CCDC69: variants seen among roughly 807,000 people sequenced by gnomAD.
The protein encoded by CCDC69 is coiled-coil domain containing 69, also known as coiled-coil domain-containing protein 69.
A neutral mutation model predicts 40.3 loss-of-function variants in CCDC69; 38 were observed. The ratio of observed to expected loss-of-function variants is 0.94; its 90% CI spans 0.73 to 1.24. The LOEUF is 1.24. CCDC69 is among the 50% of genes most tolerant of loss of function. CCDC69 has a pLI of 0.00. For missense variants in CCDC69, 389 were observed against 357.9 expected, an observed-to-expected ratio of 1.09 and a Z score of -0.70; for synonymous variants, 141 against 138.9, an observed-to-expected ratio of 1.02 and a Z score of -0.11.
chr5:151,218,436 T>C (rs1753084352), intron 1 of CCDC69, among the ~76,000 whole-genome samples: 2 of 152,230 alleles, frequency 1.3e-5, no homozygotes, highest in South Asian at 4.1e-4. Context: ...AAGTACACCC[T>C]GAGGTGTCAG....
chr5:151,186,086 G>A lies in CCDC69; in HGVS notation c.432C>T (p.Phe144=). 6.2e-7 allele frequency: 1 copy of A among 1,614,034 alleles called. No homozygotes were observed. The highest frequency in any genetic ancestry group is 8.5e-7 in the Non-Finnish European group (1 of 1,179,962). The stretch of plus-strand genomic sequence containing the variant: ...CCTCCACCCTCTTCATTTTGGCCTG[G>A]AAAGCCTCCAGCTGTGAGGTCAGTC... ...IDRLTSQLEA[F]QAKMKRVEES... Residue 144 remains phenylalanine (F), a synonymous_variant, in exon 6 of 9, where the codon TTC becomes TTT. Coordinates refer to ENST00000355417, the MANE Select transcript of CCDC69 (RefSeq NM_015621.3).
At chr5:151,187,529 G>T in intron 4 of CCDC69, 70 bp from the exon 5 acceptor site, 1 of 1,302,098 alleles carries the variant, frequency 7.7e-7, no homozygotes, top group African/African-American at 1.5e-5. Flanking sequence ...CCCCTTGGTG[G>T]CCAGGAAGGT....
chr5:151,185,396 T>A (rs558277201), intron 7 of CCDC69, 26 bp downstream of exon 7: 1 of 1,611,664 alleles, frequency 6.2e-7, no homozygotes, highest in East Asian at 2.2e-5. Context: ...TGAGGCTGCA[T>A]CCCCCAGCCA....
At chr5:151,215,487 G>A (rs560139967) in intron 1 of CCDC69, 5 of 214,200 alleles carry the variant, frequency 2.3e-5, no homozygotes, top group East Asian at 1.3e-4. Context: ...GATCCTGTCC[G>A]GCTTGTTTGC....
intron 1 of CCDC69, among the ~76,000 whole-genome samples, chr5:151,216,406 A>ATTTT (rs1262419326): frequency 3.0e-4 from 35 of 116,310 alleles, no homozygotes; most frequent in Non-Finnish European, 3.9e-4. Context: ...AATTATTAGG[A>ATTTT]TTTTTTTTTT....
chr5:151,200,029 G>A (rs248454), intron 3 of CCDC69, among the ~76,000 whole-genome samples: 102,334 of 152,102 alleles, frequency 0.67, 35,217 homozygotes, highest in African/African-American at 0.78. Context: ...CACCCTCCCC[G>A]CACATAGTAA....
chr5:151,219,035 T>C (rs936023415), intron 1 of CCDC69, among the ~76,000 whole-genome samples: 1 of 152,224 alleles, frequency 6.6e-6, no homozygotes, highest in Admixed American at 6.5e-5. Context: ...TGGAAGCCTG[T>C]ACTGGCTTTA....
chr5:151,205,006 C>T lies in CCDC69; in HGVS notation c.124+394G>A, dbSNP rs1393117967. Among the ~76,000 whole-genome samples, 5 of 147,102 alleles carry T rather than the reference C, an allele frequency of 3.4e-5. No homozygotes were observed. The Admixed American group carries it at 3.4e-4, about 10-fold the overall frequency. On this transcript the variant is annotated intron_variant, in intron 2 of 8. Coordinates refer to ENST00000355417, the MANE Select transcript of CCDC69 (RefSeq NM_015621.3). ...CCAACAGTTTTTCAACTCTTGCTCC[C>T]ATCCCTCCCTCCCTCCCTCCCTCCC...
At chr5:151,215,742 C>A in intron 1 of CCDC69, 3 of 304,578 alleles carry the variant, frequency 9.8e-6, no homozygotes, top group Non-Finnish European at 7.3e-6. Context: ...GCAGCATGCT[C>A]CTAATTCTAC....
intron 1 of CCDC69, among the ~76,000 whole-genome samples, chr5:151,222,056 G>A (rs13359838): frequency 0.18 from 26,808 of 152,288 alleles, 2,541 homozygotes; most frequent in African/African-American, 0.24. Context: ...AAGATTTTAC[G>A]CTAAAGTCAT....
At chr5:151,197,982 G>A (rs1752723487) in intron 4 of CCDC69, among the ~76,000 whole-genome samples, 1 of 152,188 alleles carries the variant, frequency 6.6e-6, no homozygotes, top group South Asian at 2.1e-4. Context: ...CAAAGTGTGT[G>A]TGTATAGATG....
chr5:151,208,961 G>A (rs1051372433), intron 1 of CCDC69, among the ~76,000 whole-genome samples: 3 of 152,170 alleles, frequency 2.0e-5, no homozygotes, highest in Non-Finnish European at 4.4e-5. Context: ...TGAGGTAAAG[G>A]TCACTACAGG....
rs1190559512 is a variant in CCDC69, at chr5:151,184,341, T to C, written c.713+3A>G. The stretch of plus-strand genomic sequence containing the variant: ...GGAGTAAAGGAGGCAGGAAGACAGC[T>C]ACCTTGACAGGACCACCTGGTTGCG... On this transcript the variant is annotated splice_donor_region_variant and intron_variant, in intron 8 of 8. Coordinates refer to ENST00000355417, the MANE Select transcript of CCDC69 (RefSeq NM_015621.3). 1 of 1,611,878 alleles carries C rather than the reference T, an allele frequency of 6.2e-7. No individual in the cohort carries two copies. Among genetic ancestry groups the C allele is most frequent in the Admixed American group, 1.7e-5 (1 of 60,016 alleles).
intron 4 of CCDC69, among the ~76,000 whole-genome samples, chr5:151,191,077 T>C (rs1258388484): frequency 1.4e-5 from 2 of 143,674 alleles, no homozygotes; most frequent in African/African-American, 5.1e-5. Context: ...GTGTCCTGAA[T>C]CTAAAATTAA....
chr5:151,200,004 G>A (rs1262853124), intron 3 of CCDC69, among the ~76,000 whole-genome samples: 1 of 152,132 alleles, frequency 6.6e-6, no homozygotes, highest in Non-Finnish European at 1.5e-5. Context: ...TGTACCCCTG[G>A]CAGTGCTGAG....
chr5:151,210,085 T>A (rs1387595328), intron 1 of CCDC69, among the ~76,000 whole-genome samples: 1 of 152,214 alleles, frequency 6.6e-6, no homozygotes, highest in Non-Finnish European at 1.5e-5. Flanking sequence ...CATATCTTAC[T>A]TTTTCAAATA....
intron 1 of CCDC69, among the ~76,000 whole-genome samples, chr5:151,214,596 C>T (rs1753007882): frequency 6.6e-6 from 1 of 152,144 alleles, no homozygotes; most frequent in African/African-American, 2.4e-5. Context: ...AGTGTGTGGT[C>T]AACATTTCCT....
chr5:151,204,263 G>A (rs371935143), intron 2 of CCDC69, among the ~76,000 whole-genome samples: 4 of 152,166 alleles, frequency 2.6e-5, no homozygotes, highest in African/African-American at 9.6e-5. Flanking sequence ...TTGAACTCTT[G>A]GGCTCAAGCA....
At chr5:151,200,714 A>C (rs368594642) in intron 3 of CCDC69, among the ~76,000 whole-genome samples, 2 of 152,164 alleles carry the variant, frequency 1.3e-5, no homozygotes, top group South Asian at 2.1e-4. Flanking sequence ...ATTGTTCCCC[A>C]GTCTTTCCTC....
Sources: gnomAD v4.1 joint callset for allele counts (sites outside exome capture counted in the v4.1 genomes callset) on GRCh38, gnomAD v4.1.1 for gene constraint, MANE v1.5 for transcripts, NCBI Gene and HGNC (gene_info 2026-07-23, HGNC 2026-07-21) for gene names.